The following TMPRSS11A variants were observed in gnomAD, a reference collection of about 807,000 sequenced individuals.
TMPRSS11A encodes transmembrane serine protease 11A.
TMPRSS11A carries 53 observed loss-of-function variants against 58.9 expected under a neutral mutation model. The ratio of observed to expected loss-of-function variants is 0.90; its 90% CI spans 0.72 to 1.13. The LOEUF (loss-of-function observed/expected upper bound fraction) is 1.13, where lower values mean the gene tolerates loss of function less well. Among genes scored for constraint, TMPRSS11A ranks in the 50% most tolerant of loss-of-function variants. The pLI is 0.00. For missense variants in TMPRSS11A, 493 were observed against 499.3 expected (o/e 0.99, Z 0.12); for synonymous variants, 167 against 169.8 (o/e 0.98, Z 0.13).
At chr4:67,951,179 G>A (rs1721148278) in intron 1 of TMPRSS11A, among the ~76,000 whole-genome samples, 1 of 152,178 alleles carries the variant, frequency 6.6e-6, no homozygotes. Flanking sequence ...CCTTCATTCA[G>A]TTTGATTATT....
intron 1 of TMPRSS11A, among the ~76,000 whole-genome samples, chr4:67,952,601 G>A (rs1170887380): frequency 6.6e-6 from 1 of 152,146 alleles, no homozygotes; most frequent in Non-Finnish European, 1.5e-5. Context: ...CCATAATGGT[G>A]GCCAAAGTAA....
intron 6 of TMPRSS11A, 132 bp from the exon 7 acceptor site, chr4:67,923,058 G>T: frequency 1.4e-6 from 1 of 740,076 alleles, no homozygotes; most frequent in Non-Finnish European, 2.2e-6. Context: ...ACCTGTCACT[G>T]GATTCATGGC....
At chr4:67,935,717 A>G (rs1053549492) in intron 3 of TMPRSS11A, among the ~76,000 whole-genome samples, 10 of 152,148 alleles carry the variant, frequency 6.6e-5, no homozygotes, top group African/African-American at 1.9e-4. Flanking sequence ...ATTTATCAGA[A>G]AGTTTTGCAT....
chr4:67,919,350 T>A, intron 7 of TMPRSS11A, 118 bp from the exon 8 acceptor site: 1 of 900,562 alleles, frequency 1.1e-6, no homozygotes, highest in Non-Finnish European at 1.7e-6. Flanking sequence ...TGGCTGCAGT[T>A]ATAGTTTTCT....
At chr4:67,930,179 C>A in intron 4 of TMPRSS11A, 139 bp from the exon 5 acceptor site, 1 of 620,322 alleles carries the variant, frequency 1.6e-6, no homozygotes, top group East Asian at 2.7e-5. Flanking sequence ...TCATTCTGAC[C>A]CAAGGTCATT....
intron 8 of TMPRSS11A, 127 bp from the exon 9 acceptor site, chr4:67,914,857 G>C (rs553689817): frequency 8.7e-6 from 6 of 692,122 alleles, no homozygotes; most frequent in South Asian, 2.9e-5. Flanking sequence ...AATATAAGCA[G>C]TTTCTAGAAA....
chr4:67,944,708 C>A, intron 2 of TMPRSS11A, 71 bp from the exon 3 acceptor site: 2 of 1,299,436 alleles, frequency 1.5e-6, no homozygotes, highest in South Asian at 1.3e-5. Context: ...TACAATGGGG[C>A]CAATATAAAT....
intron 1 of TMPRSS11A, among the ~76,000 whole-genome samples, chr4:67,961,920 T>C (rs1384828346): frequency 2.0e-5 from 3 of 152,140 alleles, no homozygotes; most frequent in African/African-American, 7.2e-5. Flanking sequence ...TATAAATATA[T>C]TAATGTTCAT....
intron 9 of TMPRSS11A, among the ~76,000 whole-genome samples, chr4:67,912,893 C>T (rs544519264): frequency 2.0e-5 from 3 of 152,106 alleles, no homozygotes; most frequent in Non-Finnish European, 4.4e-5. Context: ...ATTGTACACT[C>T]GCGTTTTATG....
rs60010020 is a variant in TMPRSS11A, at chr4:67,918,034, T to A, written c.952+939A>T. The stretch of plus-strand genomic sequence containing the variant: ...AAAATCTAGAGACCCTAAAACCGAT[T>A]CCTGCCTATGTGAGTGAAAGGTTAT... On this transcript the variant is annotated intron_variant, in intron 8 of 9. Coordinates refer to ENST00000508048, the MANE Select transcript of TMPRSS11A (RefSeq NM_001114387.2). 3.6e-3 allele frequency among the ~76,000 whole-genome samples: 556 copies of A among 152,334 alleles called. 3 individuals are homozygous for A. Among genetic ancestry groups the A allele is most frequent in the African/African-American group, 0.013 (532 of 41,580 alleles).
chr4:67,954,707 T>C (rs1371628319), intron 1 of TMPRSS11A, among the ~76,000 whole-genome samples: 1 of 152,204 alleles, frequency 6.6e-6, no homozygotes, highest in Non-Finnish European at 1.5e-5. Context: ...GGACTTCTAA[T>C]TGGGAGTGGT....
intron 7 of TMPRSS11A, among the ~76,000 whole-genome samples, chr4:67,921,042 T>G (rs183369666): frequency 6.6e-6 from 1 of 152,158 alleles, no homozygotes; most frequent in African/African-American, 2.4e-5. Context: ...AACTAAAGAA[T>G]AGCTGTTATA....
chr4:67,947,511 A>C (rs1053436143), intron 1 of TMPRSS11A, among the ~76,000 whole-genome samples: 2 of 152,090 alleles, frequency 1.3e-5, no homozygotes, highest in Non-Finnish European at 2.9e-5. Context: ...TTGTTCTTTT[A>C]TATCCCTCAT....
intron 1 of TMPRSS11A, 92 bp downstream of exon 1, chr4:67,963,291 C>T: frequency 7.7e-7 from 1 of 1,301,078 alleles, no homozygotes; most frequent in East Asian, 2.4e-5. Context: ...CCACCAAAGA[C>T]ACCTCACTAG....
At position 67,910,619 on chromosome 4, in the gene TMPRSS11A, A is replaced by G. The variant is rs1187662544; in HGVS notation, c.*723T>C. 1 of 152,028 alleles carries G rather than the reference A, an allele frequency of 6.6e-6. No individual in the cohort carries two copies. Among genetic ancestry groups the G allele is most frequent in the East Asian group, 1.9e-4 (1 of 5,196 alleles). The allele number at this position is 152,028 out of a possible 1,614,324, so 9.4% of individuals were successfully genotyped here. On this transcript the variant is annotated 3_prime_UTR_variant, in exon 10 of 10. Coordinates refer to ENST00000508048, the MANE Select transcript of TMPRSS11A (RefSeq NM_001114387.2). The stretch of plus-strand genomic sequence containing the variant: ...TTTAACAAATATATAGTTTTGATTA[A>G]CTAATCACTCTATCTATCTATATAT...
intron 1 of TMPRSS11A, among the ~76,000 whole-genome samples, chr4:67,962,555 G>A (rs142857827): frequency 1.2e-4 from 18 of 152,234 alleles, no homozygotes; most frequent in Non-Finnish European, 1.9e-4. Context: ...GGGAGTTAAC[G>A]ATACTTGTGA....
intron 7 of TMPRSS11A, among the ~76,000 whole-genome samples, chr4:67,921,402 T>C (rs924593853): frequency 6.6e-6 from 1 of 152,154 alleles, no homozygotes; most frequent in Non-Finnish European, 1.5e-5. Context: ...GGTGCAATCA[T>C]AGCTTGCAGG....
At chr4:67,948,150 T>TTC (rs1414977460) in intron 1 of TMPRSS11A, among the ~76,000 whole-genome samples, 1 of 25,350 alleles carries the variant, frequency 3.9e-5, no homozygotes, top group African/African-American at 5.5e-5. Flanking sequence ...TTTTTTTCTT[T>TTC]TTTTTTTTTT....
chr4:67,919,250 T>C lies in TMPRSS11A; in HGVS notation c.693-18A>G. ...TTTTATACCTGGAAAAGGTTAGAAA[T>C]TAACAGAATATATATAAGCTGCCCA... On this transcript the variant is annotated intron_variant, in intron 7 of 9. Transcript: ENST00000508048. 6.2e-7 allele frequency: 1 copy of C among 1,611,306 alleles called. No homozygotes were observed. Among genetic ancestry groups the C allele is most frequent in the South Asian group, 1.1e-5 (1 of 90,868 alleles).
Sources: gnomAD v4.1 joint callset for allele counts (sites outside exome capture counted in the v4.1 genomes callset) on GRCh38, gnomAD v4.1.1 for gene constraint, MANE v1.5 for transcripts, NCBI Gene and HGNC (gene_info 2026-07-23, HGNC 2026-07-21) for gene names.